Variants in EML1 observed in about 807,000 individuals in gnomAD.
EML1 encodes echinoderm microtubule-associated protein-like 1.
A neutral mutation model predicts 110.4 loss-of-function variants in EML1; 27 were observed. The ratio of observed to expected loss-of-function variants is 0.24; its 90% CI spans 0.18 to 0.34. The LOEUF (loss-of-function observed/expected upper bound fraction) is 0.34. Among genes scored for constraint, EML1 ranks in the 10% least tolerant of loss-of-function variants. The pLI is 1.00. For missense variants in EML1, 741 were observed against 1,030.9 expected (o/e 0.72, Z 3.85); for synonymous variants, 344 against 385.8 (o/e 0.89, Z 1.27).
intron 1 of EML1, among the ~76,000 whole-genome samples, chr14:99,832,132 G>A (rs539978660): frequency 1.1e-4 from 17 of 152,232 alleles, no homozygotes; most frequent in African/African-American, 4.1e-4. Flanking sequence ...GAACCATGCA[G>A]AATGTACTCT....
chr14:99,883,827 C>T (rs1195867917), intron 4 of EML1, among the ~76,000 whole-genome samples: 1 of 152,162 alleles, frequency 6.6e-6, no homozygotes, highest in Non-Finnish European at 1.5e-5. Context: ...TTCAGTTGGA[C>T]GTTTAAGTAC....
chr14:99,748,229 T>C (rs2057135294), intron 1 of EML1, among the ~76,000 whole-genome samples: 1 of 152,058 alleles, frequency 6.6e-6, no homozygotes, highest in African/African-American at 2.4e-5. Context: ...GGACAGCCCC[T>C]GCCCGCAGCC....
At chr14:99,797,984 G>C (rs1213127460) in intron 1 of EML1, among the ~76,000 whole-genome samples, 4 of 152,166 alleles carry the variant, frequency 2.6e-5, no homozygotes, top group African/African-American at 9.7e-5. Flanking sequence ...TTCAAAGCTA[G>C]AAAGGCTGTT....
intron 3 of EML1, among the ~76,000 whole-genome samples, chr14:99,869,284 C>T (rs2059155481): frequency 6.6e-6 from 1 of 152,108 alleles, no homozygotes; most frequent in Admixed American, 6.5e-5. Flanking sequence ...AACATTACAA[C>T]TTTTTTGTTA....
At chr14:99,934,757 G>A (rs1290372762) in intron 17 of EML1, among the ~76,000 whole-genome samples, 1 of 152,196 alleles carries the variant, frequency 6.6e-6, no homozygotes, top group African/African-American at 2.4e-5. Flanking sequence ...GCTCAGGAAA[G>A]TCTGACCTTT....
chr14:99,897,206 G>T lies in EML1; in HGVS notation c.739G>T (p.Val247Phe). Residue 247 changes from valine (V) to phenylalanine (F), a missense_variant, in exon 7 of 22, where the codon GTC becomes TTC. This residue lies in a region of EML1 where 388 missense variants were observed against 605.6 expected (regional missense o/e 0.64). Coordinates refer to ENST00000262233, the MANE Select transcript of EML1 (RefSeq NM_004434.3). ...GTACTTGCTTCCGACGGGAGAGACCGTCTACTTCATCGCATCCGTGGTGGT... is the reference window on the plus strand; with the variant it reads ...GTACTTGCTTCCGACGGGAGAGACCTTCTACTTCATCGCATCCGTGGTGGT... ...NLYLLPTGET[V>F]YFIASVVVLY... 1 of 1,612,754 alleles carries T rather than the reference G, an allele frequency of 6.2e-7. No individual in the cohort carries two copies. Among genetic ancestry groups the T allele is most frequent in the Non-Finnish European group, 8.5e-7 (1 of 1,179,398 alleles).
chr14:99,758,343 T>C (rs2057278770), intron 1 of EML1, among the ~76,000 whole-genome samples: 1 of 152,096 alleles, frequency 6.6e-6, no homozygotes, highest in Admixed American at 6.5e-5. Context: ...GGAGGGCTTT[T>C]TCTGGAGTTC....
intron 1 of EML1, among the ~76,000 whole-genome samples, chr14:99,779,403 G>A (rs2057516178): frequency 6.6e-6 from 1 of 152,144 alleles, no homozygotes; most frequent in South Asian, 2.1e-4. Flanking sequence ...ATAAATAATA[G>A]TTTTATTTCC....
chr14:99,889,255 GC>G (rs1401962622), intron 4 of EML1, among the ~76,000 whole-genome samples: 1 of 152,118 alleles, frequency 6.6e-6, no homozygotes, highest in Non-Finnish European at 1.5e-5. Flanking sequence ...AGCTGTGTGT[GC>G]CCCGGGGAGA....
chr14:99,933,956 G>A (rs556880226), intron 17 of EML1, among the ~76,000 whole-genome samples: 5 of 152,092 alleles, frequency 3.3e-5, no homozygotes, highest in Non-Finnish European at 5.9e-5. Flanking sequence ...TTAGCCAGGC[G>A]CAGTGGCATG....
At chr14:99,911,162 CAG>C (rs2059939168) in intron 12 of EML1, among the ~76,000 whole-genome samples, 1 of 152,136 alleles carries the variant, frequency 6.6e-6, no homozygotes, top group Non-Finnish European at 1.5e-5. Context: ...GATCTAAACT[CAG>C]AGCCCACGTT....
intron 7 of EML1, among the ~76,000 whole-genome samples, chr14:99,897,546 C>T (rs890723591): frequency 2.6e-5 from 4 of 152,082 alleles, no homozygotes; most frequent in Admixed American, 6.5e-5. Flanking sequence ...TGTGTGGTCT[C>T]CTTGTGGTCC....
intron 2 of EML1, among the ~76,000 whole-genome samples, chr14:99,858,135 G>A (rs2058936385): frequency 6.6e-6 from 1 of 151,642 alleles, no homozygotes; most frequent in Non-Finnish European, 1.5e-5. Flanking sequence ...TTACTTAGCA[G>A]TGTGGCCTAC....
At chr14:99,757,449 A>G (rs1440127286) in intron 1 of EML1, among the ~76,000 whole-genome samples, 1 of 152,156 alleles carries the variant, frequency 6.6e-6, no homozygotes, top group Non-Finnish European at 1.5e-5. Context: ...AGTCGCGCAT[A>G]CCGCTTGTGC....
intron 1 of EML1, among the ~76,000 whole-genome samples, chr14:99,837,838 C>T (rs940692038): frequency 6.6e-6 from 1 of 152,134 alleles, no homozygotes; most frequent in Non-Finnish European, 1.5e-5. Flanking sequence ...CTTACTCTGT[C>T]CCCCAGGCTG....
intron 1 of EML1, among the ~76,000 whole-genome samples, chr14:99,816,535 C>G (rs1180065803): frequency 6.6e-6 from 1 of 152,206 alleles, no homozygotes; most frequent in Non-Finnish European, 1.5e-5. Flanking sequence ...ATAAGGACAT[C>G]AGGAGCTTAG....
In EML1 at chr14:99,937,802, G is replaced by T. The variant is rs759743471; in HGVS notation, c.2096-15G>T. 1.3e-5 allele frequency: 21 copies of T among 1,612,864 alleles called. No homozygotes were observed. The Admixed American group carries it at 3.3e-4, about 26-fold the overall frequency. On this transcript the variant is annotated splice_polypyrimidine_tract_variant and intron_variant, in intron 19 of 21. Coordinates refer to ENST00000262233, the MANE Select transcript of EML1 (RefSeq NM_004434.3). ...GCCTTGGCTTAGATGTTGCCAGACT[G>T]TTTGCTTTTTGCAGGGGTTCCCTCT...
rs538429349 is a variant in EML1 at position 99,829,999 on chromosome 14, G to C, written c.68-20854G>C. The stretch of plus-strand genomic sequence containing the variant: ...AAGCCTCTGTTTTCAGTTCTATTGC[G>C]TGTCTACCTAGGAGTAGAATTGCCG... On this transcript the variant is annotated intron_variant, in intron 1 of 21. Coordinates refer to ENST00000262233, the MANE Select transcript of EML1 (RefSeq NM_004434.3). 3.2e-3 allele frequency among the ~76,000 whole-genome samples: 492 copies of C among 152,270 alleles called. 6 individuals are homozygous for C. Among genetic ancestry groups the C allele is most frequent in the African/African-American group, 0.011 (466 of 41,542 alleles).
At chr14:99,739,065 A>AGTGTGTGTGTGTGTGTGTGTGTGT (rs35246718) in intron 1 of EML1, among the ~76,000 whole-genome samples, 26 of 138,912 alleles carry the variant, frequency 1.9e-4, no homozygotes, top group Non-Finnish European at 1.4e-4. Context: ...AGAGTGTGAG[A>AGTGTGTGTGTGTGTGTGTGTGTGT]GTGTGTGTGT....
Sources: allele counts gnomAD v4.1 joint callset (sites outside exome capture counted in the v4.1 genomes callset), GRCh38; gene constraint gnomAD v4.1.1; regional missense constraint gnomAD v4.1.1; transcripts MANE v1.5; gene names NCBI Gene and HGNC (gene_info 2026-07-23, HGNC 2026-07-21).